The following P2RX3 variants were observed in gnomAD, a reference collection of about 807,000 sequenced individuals.
P2RX3 encodes the protein purinergic receptor P2X 3, also known as P2X purinoceptor 3.
P2RX3 carries 41 observed loss-of-function variants against 51.5 expected under a neutral mutation model. The ratio of observed to expected loss-of-function variants is 0.80; its 90% CI spans 0.62 to 1.03. The LOEUF is 1.03. P2RX3 is among the 50% of genes least tolerant of loss of function. The probability of loss-of-function intolerance (pLI) is 0.00; values close to 1 mark genes in which losing one functional copy is unlikely to be tolerated. For missense variants in P2RX3, 459 were observed against 522.1 expected (o/e 0.88, Z 1.18); for synonymous variants, 185 against 191.6 (o/e 0.97, Z 0.29).
rs564241219 is a variant in P2RX3, at chr11:57,364,160, C to T, written c.843-3849C>T. On this transcript the variant is annotated intron_variant, in intron 8 of 11. Coordinates refer to ENST00000263314, the MANE Select transcript of P2RX3 (RefSeq NM_002559.5). ...GCCCAGCCTCTGCCCTGCCCCAAAC[C>T]TCTGTGATCCACCCTCTCACCCCTG... Among the ~76,000 whole-genome samples the T allele has an allele frequency of 2.0e-5, 3 of 152,290 alleles. No individual in the cohort carries two copies. In the East Asian group the frequency reaches 5.8e-4, roughly 29 times the overall value.
intron 8 of P2RX3, among the ~76,000 whole-genome samples, chr11:57,354,735 G>A (rs983080432): frequency 6.7e-6 from 1 of 149,734 alleles, no homozygotes; most frequent in Non-Finnish European, 1.5e-5. Flanking sequence ...GTGTGTCAGT[G>A]TGTGTGTGTG....
chr11:57,346,578 C>T lies in P2RX3; in HGVS notation c.154C>T (p.Arg52Trp), dbSNP rs749797226. The T allele has an allele frequency of 2.4e-5, 38 of 1,614,012 alleles. No homozygotes were observed. The highest frequency in any genetic ancestry group is 5.5e-5 in the South Asian group (5 of 91,074). ...VFLHEKAYQV[R>W]DTAIESSVVT... is the part of the protein sequence containing the mutation. ...CTTGCACGAGAAGGCTTACCAGGTA[C>T]GGGACACAGCCATTGAGTCCTCGGT... Residue 52 changes from arginine to tryptophan, a missense_variant, in exon 2 of 12, where the codon CGG becomes TGG. Physicochemically the swap from Arg to Trp is moderately radical, Grantham distance 101. Coordinates refer to ENST00000263314, the MANE Select transcript of P2RX3 (RefSeq NM_002559.5).
intron 8 of P2RX3, among the ~76,000 whole-genome samples, chr11:57,355,321 G>C (rs1856611111): frequency 6.6e-6 from 1 of 151,546 alleles, no homozygotes; most frequent in Non-Finnish European, 1.5e-5. Flanking sequence ...TCTTCTTAAA[G>C]GATATTTTAT....
intron 10 of P2RX3, among the ~76,000 whole-genome samples, chr11:57,368,916 G>T (rs979893177): frequency 6.6e-6 from 1 of 152,112 alleles, no homozygotes; most frequent in African/African-American, 2.4e-5. Flanking sequence ...AAGTCCCTGG[G>T]CATTTTTCTA....
chr11:57,342,909 C>T (rs1401131093), intron 1 of P2RX3, among the ~76,000 whole-genome samples: 1 of 152,216 alleles, frequency 6.6e-6, no homozygotes, highest in Non-Finnish European at 1.5e-5. Flanking sequence ...GGTGCTGGGG[C>T]GCGGCTCTGG....
chr11:57,352,782 G>A (rs1396974440), intron 8 of P2RX3, among the ~76,000 whole-genome samples: 1 of 152,146 alleles, frequency 6.6e-6, no homozygotes, highest in Non-Finnish European at 1.5e-5. Context: ...GGTATTTGGG[G>A]AGGCAGGACG....
rs1856877152 is a variant in P2RX3, at chr11:57,370,984, G to A, written c.*987G>A. Among the ~76,000 whole-genome samples, 1 of 152,202 alleles carries A rather than the reference G, an allele frequency of 6.6e-6. No homozygotes were observed. Among genetic ancestry groups the A allele is most frequent in the Non-Finnish European group, 1.5e-5 (1 of 68,034 alleles). On this transcript the variant is annotated 3_prime_UTR_variant, in exon 12 of 12. Transcript: ENST00000263314. ...GGGTTGGCCAGGCCTGTCCCCATAGGGTCTTAATAAGGTGCCCCATTTTCT... is the reference window on the plus strand; with the variant it reads ...GGGTTGGCCAGGCCTGTCCCCATAGAGTCTTAATAAGGTGCCCCATTTTCT...
chr11:57,362,779 C>T (rs1227683169), intron 8 of P2RX3, among the ~76,000 whole-genome samples: 3 of 152,162 alleles, frequency 2.0e-5, no homozygotes, highest in Non-Finnish European at 4.4e-5. Flanking sequence ...GGAATAGCAA[C>T]AGTACTTAAA....
At chr11:57,342,656 C>A (rs542046669) in intron 1 of P2RX3, among the ~76,000 whole-genome samples, 1 of 152,196 alleles carries the variant, frequency 6.6e-6, no homozygotes, top group Admixed American at 6.5e-5. Flanking sequence ...TTTAGGAATA[C>A]CTCCTCCCTG....
chr11:57,337,750 G>A (rs1487918958), upstream of P2RX3, among the ~76,000 whole-genome samples: 1 of 152,168 alleles, frequency 6.6e-6, no homozygotes, highest in Non-Finnish European at 1.5e-5. Flanking sequence ...GTTAACGGGT[G>A]CAACACACCA....
At chr11:57,356,365 A>G (rs1590633796) in intron 8 of P2RX3, among the ~76,000 whole-genome samples, 2 of 152,354 alleles carry the variant, frequency 1.3e-5, no homozygotes, top group South Asian at 2.1e-4. Context: ...TCGAAACTGC[A>G]TTTCAAAATG....
At position 57,366,965 on chromosome 11, in the gene P2RX3, G is replaced by C. The variant is rs1476348699; in HGVS notation, c.843-1044G>C. 7.2e-5 allele frequency among the ~76,000 whole-genome samples: 11 copies of C among 152,138 alleles called. 1 individual carries two copies. The highest frequency in any genetic ancestry group is 2.7e-4 in the African/African-American group (11 of 41,414). ...CCCCACCTGTCAATACTGCCACATT[G>C]GGGATGAAGTTTCGACATGAGTTTT... On this transcript the variant is annotated intron_variant, in intron 8 of 11. Transcript: ENST00000263314.
chr11:57,344,632 G>C (rs1403683536), intron 1 of P2RX3, among the ~76,000 whole-genome samples: 2 of 152,354 alleles, frequency 1.3e-5, no homozygotes, highest in East Asian at 3.9e-4. Context: ...CCGGGAGGCA[G>C]AGGTTGCAGT....
chr11:57,368,094 T>C lies in P2RX3; in HGVS notation c.928T>C (p.Tyr310His). Residue 310 changes from tyrosine (Y) to histidine (H), a missense_variant, in exon 9 of 12, where the codon TAC becomes CAC. By Grantham distance (83) the Tyr-to-His change is moderately conservative. Coordinates refer to ENST00000263314, the MANE Select transcript of P2RX3 (RefSeq NM_002559.5). The part of the protein sequence containing the change: ...AFGIRFDVLV[Y>H]GNAGKFNIIP... ...TGGCATCCGCTTCGACGTGCTGGTA[T>C]ACGGGAATGTGAGTCCATGGGCCAG... 6.2e-7 allele frequency: 1 copy of C among 1,614,126 alleles called. No individual in the cohort carries two copies. The highest frequency in any genetic ancestry group is 2.2e-5 in the East Asian group (1 of 44,884).
chr11:57,343,929 G>A (rs1856386882), intron 1 of P2RX3, among the ~76,000 whole-genome samples: 1 of 152,202 alleles, frequency 6.6e-6, no homozygotes, highest in Admixed American at 6.5e-5. Flanking sequence ...TCCTGTGACA[G>A]GGAGGCTCCC....
intron 6 of P2RX3, among the ~76,000 whole-genome samples, chr11:57,349,390 T>C (rs1856501036): frequency 6.6e-6 from 1 of 150,688 alleles, no homozygotes; most frequent in Admixed American, 6.6e-5. Flanking sequence ...CGCTTGAACC[T>C]GGGAGGCAGA....
chr11:57,369,051 CCCATTAAT>C (rs1425832264), intron 10 of P2RX3, among the ~76,000 whole-genome samples: 1 of 152,196 alleles, frequency 6.6e-6, no homozygotes, highest in Non-Finnish European at 1.5e-5. Flanking sequence ...CCCATGATAG[CCCATTAAT>C]CCATTAATCC....
rs529539668 is a variant in P2RX3, at chr11:57,350,746, C to T, written c.706-16C>T. The T allele has an allele frequency of 9.3e-6, 15 of 1,613,828 alleles. No individual in the cohort carries two copies. The East Asian group carries it at 1.8e-4, about 19-fold the overall frequency. ...AGAGGGCGAGGGGAAAGCTCATACCCGGCCCGTTTCTTCAGGGGGGAGTTC... is the reference window on the plus strand; with the variant it reads ...AGAGGGCGAGGGGAAAGCTCATACCTGGCCCGTTTCTTCAGGGGGGAGTTC... On this transcript the variant is annotated splice_polypyrimidine_tract_variant and intron_variant, in intron 7 of 11. Coordinates refer to ENST00000263314, the MANE Select transcript of P2RX3 (RefSeq NM_002559.5).
intron 7 of P2RX3, chr11:57,350,190 G>C (rs1416588361): frequency 2.4e-6 from 1 of 424,668 alleles, no homozygotes; most frequent in Non-Finnish European, 4.3e-6. Flanking sequence ...AGCCCCAAAC[G>C]ACGGGAAAGT....
Sources: allele counts gnomAD v4.1 joint callset (sites outside exome capture counted in the v4.1 genomes callset), GRCh38; gene constraint gnomAD v4.1.1; transcripts MANE v1.5; gene names NCBI Gene and HGNC (gene_info 2026-07-23, HGNC 2026-07-21).